Variants in SCUBE1 observed in about 807,000 individuals in gnomAD.
SCUBE1 encodes the protein signal peptide, CUB and EGF-like domain-containing protein 1.
In SCUBE1, 59 loss-of-function variants were observed where a neutral mutation model predicts 124.4. The observed-to-expected ratio is 0.47, with a 90% CI of 0.38 to 0.59. The LOEUF (loss-of-function observed/expected upper bound fraction) is 0.59, where lower values mean the gene tolerates loss of function less well. SCUBE1 is among the 20% of genes least tolerant of loss of function. The probability of loss-of-function intolerance (pLI) is 0.00; values close to 1 mark genes in which losing one functional copy is unlikely to be tolerated. For synonymous variants in SCUBE1, 545 were observed against 550.9 expected (o/e 0.99, Z 0.15); for missense variants, 1,150 against 1,371.2 (o/e 0.84, Z 2.55).
intron 4 of SCUBE1, among the ~76,000 whole-genome samples, chr22:43,271,015 G>A (rs1201196161): frequency 3.3e-5 from 5 of 152,132 alleles, no homozygotes; most frequent in African/African-American, 9.7e-5. Context: ...CACAACCCCC[G>A]CTCCCTTCCC....
chr22:43,231,773 G>A lies in SCUBE1; in HGVS notation c.947C>T (p.Thr316Ile), dbSNP rs1411702294. 5.0e-6 allele frequency: 8 copies of A among 1,601,730 alleles called. No homozygotes were observed. Among genetic ancestry groups the A allele is most frequent in the Non-Finnish European group, 6.0e-6 (7 of 1,174,966 alleles). ...CGCRKGYKLL[T>I]DERTCQDIDE... ...CTCACCCTGGCAGGTGCGCTCGTCG[G>A]TGAGCAGCTTGTAGCCCTTCCGGCA... Residue 316 changes from threonine to isoleucine, a missense_variant, in exon 8 of 22, where the codon ACC becomes ATC. Coordinates refer to ENST00000360835, the MANE Select transcript of SCUBE1 (RefSeq NM_173050.5).
At chr22:43,292,313 A>T (rs1417189822) in intron 3 of SCUBE1, among the ~76,000 whole-genome samples, 1 of 152,198 alleles carries the variant, frequency 6.6e-6, no homozygotes, top group Non-Finnish European at 1.5e-5. Flanking sequence ...ATTTCTGACC[A>T]GAGGCCGCTG....
At chr22:43,314,760 G>C (rs990791079) in intron 3 of SCUBE1, among the ~76,000 whole-genome samples, 2 of 152,182 alleles carry the variant, frequency 1.3e-5, no homozygotes, top group Non-Finnish European at 2.9e-5. Context: ...GGCAGGGAGG[G>C]AGCAGGCATT....
At chr22:43,240,507 C>T (rs534967420) in intron 6 of SCUBE1, among the ~76,000 whole-genome samples, 1 of 152,218 alleles carries the variant, frequency 6.6e-6, no homozygotes, top group African/African-American at 2.4e-5. Context: ...GGCACTTGGC[C>T]GGCTTATGCC....
At chr22:43,205,721 A>C (rs1601790685) in intron 21 of SCUBE1, among the ~76,000 whole-genome samples, 3 of 38,684 alleles carry the variant, frequency 7.8e-5, no homozygotes, top group African/African-American at 1.4e-4. Context: ...CCACACACTC[A>C]CCCCCACACA....
At chr22:43,239,207 C>T (rs950801153) in intron 6 of SCUBE1, among the ~76,000 whole-genome samples, 17 of 152,258 alleles carry the variant, frequency 1.1e-4, no homozygotes, top group Non-Finnish European at 2.1e-4. Flanking sequence ...ACACCGCAAA[C>T]TGCAGAGGGC....
At chr22:43,237,099 T>C (rs1346861163) in intron 7 of SCUBE1, among the ~76,000 whole-genome samples, 2 of 34,476 alleles carry the variant, frequency 5.8e-5, no homozygotes, top group Admixed American at 4.6e-4. Context: ...AAAGGAAATG[T>C]GGTGGGGTGG....
rs1920958141 is a variant in SCUBE1 at position 43,198,506 on chromosome 22, G to A, written c.*5491C>T. 4.4e-6 allele frequency: 2 copies of A among 455,392 alleles called. No homozygotes were observed. The highest frequency in any genetic ancestry group is 2.0e-5 in the African/African-American group (1 of 50,068). 28.2% of individuals were successfully genotyped at this position (455,392 alleles called of 1,614,324 possible). A position where few individuals can be genotyped will look rare whatever the true frequency, so the allele number is the denominator to read the frequency against. ...GGGCCAGGGATCTGTGGGTGCTGTG[G>A]GGGCAGAGGCAGCCGCGGTAGAATA... On this transcript the variant is annotated 3_prime_UTR_variant, in exon 22 of 22. Transcript: ENST00000360835.
chr22:43,262,535 G>C (rs1229112424), intron 5 of SCUBE1, among the ~76,000 whole-genome samples, 185 bp downstream of exon 5: 1 of 152,184 alleles, frequency 6.6e-6, no homozygotes, highest in African/African-American at 2.4e-5. Flanking sequence ...AAAACCCCAA[G>C]GCTAGGGTTT....
chr22:43,227,791 A>G (rs1413111211), intron 9 of SCUBE1, among the ~76,000 whole-genome samples: 1 of 152,204 alleles, frequency 6.6e-6, no homozygotes, highest in Non-Finnish European at 1.5e-5. Flanking sequence ...GTTCCAACCC[A>G]ACCAGGTTTT....
intron 3 of SCUBE1, among the ~76,000 whole-genome samples, chr22:43,308,321 G>C (rs1926049435): frequency 6.6e-6 from 1 of 152,236 alleles, no homozygotes; most frequent in Admixed American, 6.5e-5. Context: ...AGTGGGCCAA[G>C]AATGGGAAAA....
chr22:43,231,883 A>G lies in SCUBE1; in HGVS notation c.845-8T>C. Reference sequence around the variant, plus strand: ...CCAGGCACTCGTTGATGTCTGTGGGAGCCAAGGGGGATGGAGGAGTGAGAG... The same window carrying G: ...CCAGGCACTCGTTGATGTCTGTGGGGGCCAAGGGGGATGGAGGAGTGAGAG... On this transcript the variant is annotated splice_polypyrimidine_tract_variant and splice_region_variant and intron_variant, in intron 7 of 21. Transcript: ENST00000360835. 3.7e-6 allele frequency: 6 copies of G among 1,611,740 alleles called. No individual in the cohort carries two copies. Among genetic ancestry groups the G allele is most frequent in the Non-Finnish European group, 5.1e-6 (6 of 1,178,294 alleles).
intron 6 of SCUBE1, among the ~76,000 whole-genome samples, chr22:43,242,627 C>T (rs188496793): frequency 2.0e-5 from 3 of 152,196 alleles, no homozygotes; most frequent in Admixed American, 1.3e-4. Context: ...TTGTGGAGGG[C>T]GGCTCAGGCG....
At chr22:43,302,998 G>A (rs1056831689) in intron 3 of SCUBE1, among the ~76,000 whole-genome samples, 1 of 152,202 alleles carries the variant, frequency 6.6e-6, no homozygotes, top group Non-Finnish European at 1.5e-5. Flanking sequence ...CCAAGGAGGG[G>A]CCCCGGAGCT....
intron 4 of SCUBE1, among the ~76,000 whole-genome samples, chr22:43,289,270 G>A (rs773015760): frequency 3.3e-5 from 5 of 152,204 alleles, no homozygotes; most frequent in Non-Finnish European, 7.3e-5. Flanking sequence ...TATACAACCT[G>A]TTGGGCTCAG....
chr22:43,252,631 G>A (rs1283308941), intron 6 of SCUBE1, among the ~76,000 whole-genome samples: 3 of 152,194 alleles, frequency 2.0e-5, no homozygotes, highest in African/African-American at 7.2e-5. Flanking sequence ...CTGCCCACAG[G>A]CTCAGGATCT....
chr22:43,304,819 T>C (rs1925906671), intron 3 of SCUBE1, among the ~76,000 whole-genome samples: 1 of 152,098 alleles, frequency 6.6e-6, no homozygotes, highest in East Asian at 1.9e-4. Context: ...GACCCTCCAC[T>C]CACTCCAGGT....
intron 3 of SCUBE1, among the ~76,000 whole-genome samples, chr22:43,317,709 T>G (rs1436091525): frequency 6.6e-6 from 1 of 152,270 alleles, no homozygotes; most frequent in Admixed American, 6.5e-5. Context: ...ATTGTTCTTC[T>G]GTGACAGACT....
At chr22:43,259,788 C>A (rs1041039362) in intron 5 of SCUBE1, among the ~76,000 whole-genome samples, 31 of 152,186 alleles carry the variant, frequency 2.0e-4, no homozygotes, top group African/African-American at 7.5e-4. Flanking sequence ...TGAGGACCAT[C>A]CAGAGGACGG....
Sources: allele counts gnomAD v4.1 joint callset (sites outside exome capture counted in the v4.1 genomes callset), GRCh38; gene constraint gnomAD v4.1.1; transcripts MANE v1.5; gene names NCBI Gene and HGNC (gene_info 2026-07-23, HGNC 2026-07-21).